Variants in IARS1 observed in about 807,000 individuals in gnomAD.
The protein encoded by IARS1 is isoleucyl-tRNA synthetase 1, also known as isoleucine--tRNA ligase, cytoplasmic.
A neutral mutation model predicts 168.2 loss-of-function variants in IARS1; 124 were observed. That is an observed-to-expected ratio of 0.74 (90% CI 0.64 to 0.86). The LOEUF is 0.86. IARS1 is among the 40% of genes least tolerant of loss of function. IARS1 has a pLI of 0.00. For synonymous variants in IARS1, 532 were observed against 529.4 expected (o/e 1.00, Z -0.07); for missense variants, 1,452 against 1,515.8 (o/e 0.96, Z 0.70).
chr9:92,253,952 C>T (rs550024841), intron 20 of IARS1: 19 of 448,432 alleles, frequency 4.2e-5, no homozygotes, highest in South Asian at 2.6e-4. Flanking sequence ...CATTTGTCAA[C>T]GTTTGGAGAA....
rs183574763 is a variant in IARS1 at position 92,225,613 on chromosome 9, G to C, written c.3410-2124C>G. On this transcript the variant is annotated intron_variant, in intron 31 of 33. Transcript: ENST00000443024. ...TTTAATCTACTAGGGTCTTTATTTG[G>C]AAGTTACATATGATTTAAAGAGCCA... 2.1e-3 allele frequency among the ~76,000 whole-genome samples: 309 copies of C among 148,128 alleles called. 1 individual carries two copies. Among genetic ancestry groups the C allele is most frequent in the African/African-American group, 7.2e-3 (286 of 39,562 alleles).
chr9:92,281,355 A>G (rs1001893988), intron 6 of IARS1, among the ~76,000 whole-genome samples: 1 of 152,052 alleles, frequency 6.6e-6, no homozygotes, highest in Non-Finnish European at 1.5e-5. Flanking sequence ...GCTGGTCTCA[A>G]ACTCCTGACC....
chr9:92,217,816 T>C (rs1338645719), intron 33 of IARS1, among the ~76,000 whole-genome samples: 5 of 152,008 alleles, frequency 3.3e-5, no homozygotes, highest in Admixed American at 6.6e-5. Flanking sequence ...CAGGACCAGA[T>C]GGATTCACAG....
At chr9:92,234,286 C>T (rs79028875) in intron 30 of IARS1, among the ~76,000 whole-genome samples, 17,329 of 152,106 alleles carry the variant, frequency 0.11, 1,041 homozygotes, top group Middle Eastern at 0.15. Flanking sequence ...TAGAAAAAGG[C>T]CAAACATTTA....
At chr9:92,223,663 T>G (rs1439548212) in intron 31 of IARS1, among the ~76,000 whole-genome samples, 174 bp from the exon 32 acceptor site, 1 of 152,224 alleles carries the variant, frequency 6.6e-6, no homozygotes. Flanking sequence ...TGACATGTAA[T>G]GGTAGGAAAT....
At chr9:92,237,964 A>T (rs1316096705) in intron 30 of IARS1, among the ~76,000 whole-genome samples, 1 of 152,010 alleles carries the variant, frequency 6.6e-6, no homozygotes, top group African/African-American at 2.4e-5. Flanking sequence ...AGAGTATAGG[A>T]GCGTGATCTT....
At chr9:92,273,339 A>T (rs1833355984) in intron 10 of IARS1, among the ~76,000 whole-genome samples, 1 of 152,184 alleles carries the variant, frequency 6.6e-6, no homozygotes, top group South Asian at 2.1e-4. Context: ...ATTATTAAGG[A>T]ATTGCTGACT....
Position 92,242,222 on chromosome 9 carries a change from T to C in IARS1, c.3109A>G (p.Ile1037Val), listed in dbSNP as rs1239031471. 1.9e-6 allele frequency: 3 copies of C among 1,614,138 alleles called. No individual in the cohort carries two copies. The highest frequency in any genetic ancestry group is 1.1e-5 in the South Asian group (1 of 91,086). Residue 1037 changes from isoleucine to valine, a missense_variant, in exon 29 of 34, where the codon ATA becomes GTA. Transcript: ENST00000443024. Reference sequence around the variant, plus strand: ...GGATATGGTTTCAAGGGAGCCTTTATGGTGGTAAATATGAACTCTGTGTGG... The same window carrying C: ...GGATATGGTTTCAAGGGAGCCTTTACGGTGGTAAATATGAACTCTGTGTGG... ...ESHTEFIFTT[I>V]KAPLKPYPVS...
intron 25 of IARS1, 150 bp downstream of exon 25, chr9:92,249,708 C>T: frequency 2.2e-6 from 1 of 461,458 alleles, no homozygotes; most frequent in African/African-American, 2.0e-5. Flanking sequence ...TATGTTGATT[C>T]CAAGCACAGT....
chr9:92,292,188 T>A (rs1441671063), intron 1 of IARS1, among the ~76,000 whole-genome samples: 2 of 147,248 alleles, frequency 1.4e-5, no homozygotes, highest in Non-Finnish European at 3.0e-5. Context: ...CAGCTTTTTT[T>A]TTTTTTTTTT....
At chr9:92,245,134 G>A (rs1267035708) in intron 26 of IARS1, 63 bp from the exon 27 acceptor site, 28 of 1,241,844 alleles carry the variant, frequency 2.3e-5, no homozygotes, top group Admixed American at 1.9e-4. Flanking sequence ...CCCACTACCC[G>A]TGTATTATGC....
At chr9:92,259,019 A>G in intron 18 of IARS1, 21 bp from the exon 19 acceptor site, 1 of 1,581,550 alleles carries the variant, frequency 6.3e-7, no homozygotes, top group Non-Finnish European at 8.6e-7. Context: ...GAGAAAAATT[A>G]GACAGAAAAG....
chr9:92,214,389 C>G lies in IARS1; in HGVS notation c.3707-3500G>C, dbSNP rs1203794683. On this transcript the variant is annotated intron_variant, in intron 33 of 33. Coordinates refer to ENST00000443024, the MANE Select transcript of IARS1 (RefSeq NM_002161.6). ...TGGCCAACATGGTGAAACCCTGTCT[C>G]TACTAAAATTACAAAAATTGGGGGA... Among the ~76,000 whole-genome samples the G allele has an allele frequency of 4.6e-5, 7 of 152,010 alleles. No homozygotes were observed. The South Asian group carries it at 8.3e-4, about 18-fold the overall frequency.
chr9:92,235,621 AATTCTC>A (rs1367099167), intron 30 of IARS1, among the ~76,000 whole-genome samples: 1 of 150,182 alleles, frequency 6.7e-6, no homozygotes, highest in African/African-American at 2.5e-5. Context: ...AGGTTCAAGC[AATTCTC>A]CTGCCTCAAT....
At chr9:92,248,270 T>G (rs1202881379) in intron 25 of IARS1, among the ~76,000 whole-genome samples, 1 of 152,164 alleles carries the variant, frequency 6.6e-6, no homozygotes, top group South Asian at 2.1e-4. Flanking sequence ...GATGGCACAG[T>G]AGCGGATGGG....
In IARS1 at chr9:92,242,012, A is replaced by G. The variant is rs1430343052; in HGVS notation, c.3177+142T>C. 3 of 657,540 alleles carry G rather than the reference A, an allele frequency of 4.6e-6. No homozygotes were observed. In the Admixed American group the frequency reaches 8.3e-5, roughly 18 times the overall value. The allele number at this position is 657,540 out of a possible 1,614,324, so 40.7% of individuals were successfully genotyped here. ...TTCTGAGCTTCCACTCTCTGACTCT[A>G]CCCACTACTGTCCAGAGCAATACTT... On this transcript the variant is annotated intron_variant, in intron 29 of 33. Transcript: ENST00000443024.
chr9:92,252,406 G>C (rs1428009126), intron 21 of IARS1: 3 of 515,500 alleles, frequency 5.8e-6, no homozygotes, highest in African/African-American at 3.9e-5. Context: ...AGATACGTGT[G>C]TGTGAGATAC....
At chr9:92,218,837 T>C (rs200729918) in intron 33 of IARS1, among the ~76,000 whole-genome samples, 10 of 150,524 alleles carry the variant, frequency 6.6e-5, no homozygotes, top group South Asian at 2.1e-4. Flanking sequence ...GTGAAAATGG[T>C]CATACTGCCC....
intron 19 of IARS1, 135 bp downstream of exon 19, chr9:92,258,719 G>A (rs941391718): frequency 4.7e-5 from 41 of 865,604 alleles, no homozygotes; most frequent in Non-Finnish European, 6.6e-5. Context: ...CCTCCCCATG[G>A]CTCTAAGTTA....
Sources: gnomAD v4.1 joint callset for allele counts (sites outside exome capture counted in the v4.1 genomes callset) on GRCh38, gnomAD v4.1.1 for gene constraint, MANE v1.5 for transcripts, NCBI Gene and HGNC (gene_info 2026-07-23, HGNC 2026-07-21) for gene names.